Variants in WRAP73 observed in about 807,000 individuals in gnomAD.
The protein encoded by WRAP73 is WD repeat containing, antisense to TP73.
Under a neutral mutation model 59.6 loss-of-function variants are expected in WRAP73, and 55 were observed. That is an observed-to-expected ratio of 0.92 (90% confidence interval 0.74 to 1.15). The LOEUF (loss-of-function observed/expected upper bound fraction) is 1.15. WRAP73 is among the 50% of genes most tolerant of loss of function. The pLI, the probability that WRAP73 is intolerant of heterozygous loss-of-function variation, is 0.00. For synonymous variants in WRAP73, 265 were observed against 258.2 expected, an observed-to-expected ratio of 1.03 and a Z score of -0.25; for missense variants, 592 against 608.1, an observed-to-expected ratio of 0.97 and a Z score of 0.28.
At position 3,639,791 on chromosome 1, in the gene WRAP73, A is replaced by C. The variant is rs188613989; in HGVS notation, c.340-969T>G. Among the ~76,000 whole-genome samples, 71 of 144,194 alleles carry C rather than the reference A, an allele frequency of 4.9e-4. No homozygotes were observed. In the East Asian group the frequency reaches 0.011, roughly 22 times the overall value. The allele number at this position is 144,194 out of a possible 152,430, so 94.6% of individuals were successfully genotyped here. On this transcript the variant is annotated intron_variant, in intron 3 of 11. Coordinates refer to ENST00000270708, the MANE Select transcript of WRAP73 (RefSeq NM_017818.4). This position sits in a 1 kb window ranked among gnomAD's most constrained non-coding sequence, Gnocchi z 4.3. ...GACTGCCAGCTCCGTGTGTGGGGACACAGGGCTGCGCAGCTCCATGCGGGG... is the reference window on the plus strand; with the variant it reads ...GACTGCCAGCTCCGTGTGTGGGGACCCAGGGCTGCGCAGCTCCATGCGGGG...
rs761435415 is a variant in WRAP73, at chr1:3,631,549, G to A, written c.1157C>T (p.Pro386Leu). ...GCCTCCCGTGCAGATGGCCAGCCGC[G>A]GCTGCTGCGGGTCCCACTGAAATGC... Reference protein sequence around the residue: ...VRAFQWDPQQPRLAICTGGSR... With the variant: ...VRAFQWDPQQLRLAICTGGSR... Residue 386 changes from proline (P) to leucine (L), a missense_variant, in exon 11 of 12, where the codon CCG (proline) becomes CTG (leucine). Physicochemically the swap from Pro to Leu is moderately conservative, Grantham distance 98 (BLOSUM62 -3). Coordinates refer to ENST00000270708, the MANE Select transcript of WRAP73 (RefSeq NM_017818.4). The A allele has an allele frequency of 2.4e-5, 39 of 1,611,050 alleles. No individual in the cohort carries two copies. Among genetic ancestry groups the A allele is most frequent in the African/African-American group, 1.5e-4 (11 of 74,918 alleles).
chr1:3,633,455 G>A lies in WRAP73; in HGVS notation c.865C>T (p.Leu289Phe), dbSNP rs1214152291. ...EKSPQLGLGC[L>F]SFPPPRAGAG... ...CCGGCCCGGGGCGGCGGGAAGGAGA[G>A]GCAGCCCAGTCCCAGCTGTGGGCTC... Residue 289 changes from leucine to phenylalanine, a missense_variant, in exon 9 of 12, where the codon CTC becomes TTC. Coordinates refer to ENST00000270708, the MANE Select transcript of WRAP73 (RefSeq NM_017818.4). 4 of 1,611,946 alleles carry A rather than the reference G, an allele frequency of 2.5e-6. No homozygotes were observed. The highest frequency in any genetic ancestry group is 1.7e-5 in the Admixed American group (1 of 59,730).
intron 4 of WRAP73, among the ~76,000 whole-genome samples, chr1:3,637,793 C>T (rs529742193): frequency 2.0e-5 from 3 of 152,308 alleles, no homozygotes; most frequent in South Asian, 4.1e-4. Context: ...GTGATCGTGT[C>T]ACTGCACTCC....
At chr1:3,632,362 C>T (rs200940255) in intron 9 of WRAP73, 24 bp from the exon 10 acceptor site, 27 of 1,613,888 alleles carry the variant, frequency 1.7e-5, no homozygotes, top group Admixed American at 1.5e-4. Context: ...AGGAAGAACA[C>T]GCCATTGTCA....
At chr1:3,638,415 A>T (rs978525528) in intron 4 of WRAP73, among the ~76,000 whole-genome samples, 1 of 152,232 alleles carries the variant, frequency 6.6e-6, no homozygotes, top group East Asian at 1.9e-4. Context: ...TGGGCCTCTC[A>T]ACAGGCATCG....
intron 10 of WRAP73, 119 bp from the exon 11 acceptor site, chr1:3,631,776 G>A: frequency 6.9e-7 from 1 of 1,457,462 alleles, no homozygotes; most frequent in Non-Finnish European, 9.0e-7. Flanking sequence ...GTGGGGTGGG[G>A]CGGCTGCACC....
rs893189710 is a variant in WRAP73, at chr1:3,646,127, C to A, written c.339+539G>T. On this transcript the variant is annotated intron_variant, in intron 3 of 11. Transcript: ENST00000270708. The surrounding 1 kb of genome is among the most constrained non-coding windows in gnomAD (Gnocchi z 5.1). ...CCCTCCAACCCCGCCAATCTACCAG[C>A]CACTCGGGAGCCACCTCAGTCATCA... 2.2e-4 allele frequency among the ~76,000 whole-genome samples: 34 copies of A among 152,344 alleles called. No homozygotes were observed. The highest frequency in any genetic ancestry group is 7.9e-4 in the African/African-American group (33 of 41,580).
chr1:3,631,155 G>A (rs1218505553), intron 11 of WRAP73, 38 bp from the exon 12 acceptor site: 1 of 1,611,560 alleles, frequency 6.2e-7, no homozygotes, highest in Non-Finnish European at 8.5e-7. Context: ...TACAGCAGGG[G>A]AGGCCCAGAT....
chr1:3,636,531 T>G, intron 5 of WRAP73: 2 of 330,206 alleles, frequency 6.1e-6, no homozygotes, highest in Non-Finnish European at 5.9e-6. Context: ...GGATCCCGGG[T>G]TCTGCACTCT....
Position 3,646,708 on chromosome 1 carries a change from C to T in WRAP73, c.297G>A (p.Trp99Ter). 6.2e-7 allele frequency: 1 copy of T among 1,608,418 alleles called. No individual in the cohort carries two copies. The highest frequency in any genetic ancestry group is 8.5e-7 in the Non-Finnish European group (1 of 1,175,852). ...TGAGAATGTGGCGCCCGTCCGGGCTCCAGCACGAGGCCACCAGCCCGGCTG... is the reference window on the plus strand; with the variant it reads ...TGAGAATGTGGCGCCCGTCCGGGCTTCAGCACGAGGCCACCAGCCCGGCTG... Reference protein sequence around the residue: ...EGSAGLVASCWSPDGRHILNT... With the variant: ...EGSAGLVASC The change falls in exon 3 of 12, where the codon TGG becomes TGA. Residue 99 changes from tryptophan (W) to a stop codon, truncating the protein, a stop_gained. Transcript: ENST00000270708. LOFTEE classifies it high-confidence loss of function. The surrounding 1 kb of genome is among the most constrained non-coding windows in gnomAD (Gnocchi z 5.1).
chr1:3,644,702 A>C (rs984222888), intron 3 of WRAP73, among the ~76,000 whole-genome samples: 1 of 152,212 alleles, frequency 6.6e-6, no homozygotes, highest in Non-Finnish European at 1.5e-5. Context: ...TAGGTTGAAC[A>C]ATGTCATCTA....
intron 1 of WRAP73, 79 bp from the exon 2 acceptor site, chr1:3,647,639 C>T (rs1557465644): frequency 1.3e-6 from 2 of 1,501,524 alleles, no homozygotes; most frequent in East Asian, 2.3e-5. Context: ...CTGCCCTGGC[C>T]TTCAGTGACT....
At chr1:3,636,233 T>C in intron 5 of WRAP73, 1 of 578,552 alleles carries the variant, frequency 1.7e-6, no homozygotes, top group Non-Finnish European at 3.1e-6. Context: ...CGTCAGTGCC[T>C]GGCCAGCCCC....
At chr1:3,631,166 T>A (rs777082306) in intron 11 of WRAP73, 49 bp from the exon 12 acceptor site, 16 of 1,609,684 alleles carry the variant, frequency 9.9e-6, no homozygotes, top group Non-Finnish European at 1.0e-5. Flanking sequence ...AGGCCCAGAT[T>A]CTGGGGGATG....
intron 8 of WRAP73, chr1:3,634,601 T>G: frequency 4.0e-6 from 1 of 251,910 alleles, no homozygotes; most frequent in Non-Finnish European, 7.9e-6. Flanking sequence ...ACTCTGCAAG[T>G]GCAGGGGTCT....
intron 4 of WRAP73, 104 bp from the exon 5 acceptor site, chr1:3,637,202 T>A: frequency 1.0e-5 from 10 of 990,750 alleles, no homozygotes; most frequent in Non-Finnish European, 1.2e-5. Context: ...AAAGCAGAGG[T>A]GAAAAGAAGG....
At position 3,635,897 on chromosome 1, in the gene WRAP73, C is replaced by T. The variant is rs192081060; in HGVS notation, c.603+47G>A. The stretch of plus-strand genomic sequence containing the variant: ...GCAGCATTCAGAAAGCATGAAATTC[C>T]GGGAAAAGCTCTCGAAAGCAAACAT... On this transcript the variant is annotated intron_variant, in intron 6 of 11. Transcript: ENST00000270708. 4,914 of 1,497,800 alleles carry T rather than the reference C, an allele frequency of 3.3e-3. 13 individuals carry two copies. Among genetic ancestry groups the T allele is most frequent in the Middle Eastern group, 7.5e-3 (44 of 5,828 alleles). The allele number at this position is 1,497,800 out of a possible 1,614,324, so 92.8% of individuals were successfully genotyped here.
chr1:3,648,507 CTG>C (rs771051608), intron 1 of WRAP73, among the ~76,000 whole-genome samples: 10 of 152,302 alleles, frequency 6.6e-5, no homozygotes, highest in African/African-American at 2.2e-4. Flanking sequence ...GCTTTGAAAA[CTG>C]TGATCAGTTA....
intron 3 of WRAP73, 100 bp from the exon 4 acceptor site, chr1:3,638,922 G>T: frequency 7.6e-7 from 1 of 1,316,208 alleles, no homozygotes; most frequent in South Asian, 1.2e-5. Context: ...GCACAGGCCT[G>T]ACTGCTGGAG....
Sources: gnomAD v4.1 joint callset for allele counts (sites outside exome capture counted in the v4.1 genomes callset) on GRCh38, gnomAD v4.1.1 for gene constraint, Gnocchi (gnomAD v3.1) non-coding constraint, MANE v1.5 for transcripts, NCBI Gene and HGNC (gene_info 2026-07-23, HGNC 2026-07-21) for gene names.